CDK19: variants seen among roughly 807,000 people sequenced by gnomAD.
The protein encoded by CDK19 is cyclin dependent kinase 19.
In CDK19, 20 loss-of-function variants were observed where a neutral mutation model predicts 68.3. The observed-to-expected ratio is 0.29, with a 90% CI of 0.21 to 0.43. CDK19 has a LOEUF of 0.43. Among genes scored for constraint, CDK19 ranks in the 20% least tolerant of loss-of-function variants. CDK19 has a pLI of 1.00. For missense variants in CDK19, 339 were observed against 623.5 expected, an observed-to-expected ratio of 0.54 and a Z score of 4.86; for synonymous variants, 221 against 222.8, an observed-to-expected ratio of 0.99 and a Z score of 0.07.
At chr6:110,662,321 C>A (rs1218794302) in intron 4 of CDK19, among the ~76,000 whole-genome samples, 1 of 152,054 alleles carries the variant, frequency 6.6e-6, no homozygotes, top group Non-Finnish European at 1.5e-5. Context: ...CTAAAGCATT[C>A]ATTCAAATCC....
chr6:110,666,424 CAAAAAAAAAA>C (rs57791161), intron 4 of CDK19, among the ~76,000 whole-genome samples: 1,008 of 47,876 alleles, frequency 0.021, 8 homozygotes, highest in Non-Finnish European at 0.033. Context: ...GACTCTGTCT[CAAAAAAAAAA>C]AAAAAAAAAA....
chr6:110,786,661 T>G lies in CDK19; in HGVS notation c.128+28348A>C, dbSNP rs529617997. Among the ~76,000 whole-genome samples the G allele has an allele frequency of 2.0e-4, 30 of 151,990 alleles. 4 individuals carry two copies. In the South Asian group the frequency reaches 5.6e-3, roughly 29 times the overall value. ...TCTACAGGCTAAATTAGAAATGTGT[T>G]TGGGGGCAAATAGATCACTTCAACA... On this transcript the variant is annotated intron_variant, in intron 1 of 12. Coordinates refer to ENST00000368911, the MANE Select transcript of CDK19 (RefSeq NM_015076.5).
Position 110,723,143 on chromosome 6 carries a change from AC to A in CDK19, c.204+22982del, listed in dbSNP as rs772542228. Among the ~76,000 whole-genome samples the A allele has an allele frequency of 1.6e-3, 157 of 100,556 alleles. 10 individuals are homozygous for A. Among genetic ancestry groups the A allele is most frequent in the Middle Eastern group, 0.014 (2 of 148 alleles). The allele number at this position is 100,556 out of a possible 152,430, so 66.0% of individuals were successfully genotyped here. On this transcript the variant is annotated intron_variant, in intron 2 of 12. Transcript: ENST00000368911. Reference sequence around the variant, plus strand: ...AGCTTTCAAGGCTTTGTCAAAAAAAACAAAAAACAAAAAAAAAAACGCAGAT... The same window carrying A: ...AGCTTTCAAGGCTTTGTCAAAAAAAAAAAAAACAAAAAAAAAAACGCAGAT...
At chr6:110,768,525 T>C (rs1005001790) in intron 1 of CDK19, among the ~76,000 whole-genome samples, 6 of 152,196 alleles carry the variant, frequency 3.9e-5, no homozygotes, top group African/African-American at 7.2e-5. Flanking sequence ...ACTTGATATG[T>C]CCAGAAATAG....
intron 2 of CDK19, among the ~76,000 whole-genome samples, chr6:110,741,425 C>T (rs1410998249): frequency 1.3e-5 from 2 of 151,662 alleles, no homozygotes; most frequent in Non-Finnish European, 2.9e-5. Context: ...TATGCCACTG[C>T]ACTCCAGCCT....
chr6:110,774,168 A>G (rs974212629), intron 1 of CDK19, among the ~76,000 whole-genome samples: 14 of 152,348 alleles, frequency 9.2e-5, no homozygotes, highest in African/African-American at 3.1e-4. Flanking sequence ...AACTAATTAT[A>G]TTCTTACGAA....
intron 10 of CDK19, 34 bp downstream of exon 10, chr6:110,622,781 G>T: frequency 7.4e-7 from 1 of 1,351,440 alleles, no homozygotes; most frequent in Non-Finnish European, 1.1e-6. Flanking sequence ...TCCTCAGCCT[G>T]GAGCAAAGGA....
At chr6:110,732,884 C>T (rs1050724181) in intron 2 of CDK19, among the ~76,000 whole-genome samples, 12 of 151,978 alleles carry the variant, frequency 7.9e-5, no homozygotes, top group Non-Finnish European at 1.0e-4. Context: ...ATGGCCAACA[C>T]GGTGAAACCC....
chr6:110,788,748 C>CT (rs371692053), intron 1 of CDK19, among the ~76,000 whole-genome samples: 61 of 151,474 alleles, frequency 4.0e-4, no homozygotes, highest in African/African-American at 1.2e-3. Flanking sequence ...ATTTCTTTTT[C>CT]TTTTTTTTTA....
In CDK19 at chr6:110,672,340, G is replaced by A. The variant is rs188096163; in HGVS notation, c.205-1799C>T. On this transcript the variant is annotated intron_variant, in intron 2 of 12. Transcript: ENST00000368911. Reference sequence around the variant, plus strand: ...ACACCCAACACTGGCACAGATCCCTGATTCCTGGACCTCACTTGTCTGGGA... The same window carrying A: ...ACACCCAACACTGGCACAGATCCCTAATTCCTGGACCTCACTTGTCTGGGA... Among the ~76,000 whole-genome samples the A allele has an allele frequency of 2.5e-3, 375 of 152,286 alleles. 7 individuals carry two copies. The highest frequency in any genetic ancestry group is 1.7e-3 in the East Asian group (9 of 5,190).
chr6:110,710,980 C>T (rs1368346844), intron 2 of CDK19, among the ~76,000 whole-genome samples: 1 of 152,068 alleles, frequency 6.6e-6, no homozygotes, highest in Non-Finnish European at 1.5e-5. Flanking sequence ...CTCATATCGT[C>T]TATAATAAGA....
intron 1 of CDK19, among the ~76,000 whole-genome samples, chr6:110,778,257 C>T (rs1780550863): frequency 6.6e-6 from 1 of 152,024 alleles, no homozygotes; most frequent in Non-Finnish European, 1.5e-5. Flanking sequence ...ACTGTAAACC[C>T]GTTTAATGTA....
intron 2 of CDK19, among the ~76,000 whole-genome samples, chr6:110,701,798 C>T (rs1689348682): frequency 1.3e-5 from 2 of 152,048 alleles, no homozygotes; most frequent in South Asian, 4.1e-4. Flanking sequence ...AATTAAAGTC[C>T]ATCCCTACAG....
At chr6:110,688,470 G>A (rs1393896766) in intron 2 of CDK19, among the ~76,000 whole-genome samples, 1 of 151,952 alleles carries the variant, frequency 6.6e-6, no homozygotes, top group African/African-American at 2.4e-5. Context: ...TTTTTTCCAA[G>A]AAGCAACGCA....
chr6:110,814,776 G>C lies in CDK19; in HGVS notation c.128+233C>G, dbSNP rs748800557. The C allele has an allele frequency of 9.0e-6, 6 of 666,448 alleles. No individual in the cohort carries two copies. The South Asian group carries it at 9.1e-5, about 10-fold the overall frequency. The allele number at this position is 666,448 out of a possible 1,614,324, so 41.3% of individuals were successfully genotyped here. On this transcript the variant is annotated intron_variant, in intron 1 of 12. Coordinates refer to ENST00000368911, the MANE Select transcript of CDK19 (RefSeq NM_015076.5). Reference sequence around the variant, plus strand: ...CTCGGAGGGCGCCCCTCTGGGACGGGACCGACGCCTCGGACCGGGCTGCGC... The same window carrying C: ...CTCGGAGGGCGCCCCTCTGGGACGGCACCGACGCCTCGGACCGGGCTGCGC...
chr6:110,807,455 T>C (rs1583148327), intron 1 of CDK19, among the ~76,000 whole-genome samples: 1 of 151,884 alleles, frequency 6.6e-6, no homozygotes, highest in African/African-American at 2.4e-5. Context: ...ACACTGGTGG[T>C]TTTTTGTTAT....
intron 4 of CDK19, chr6:110,646,507 C>G (rs190675771): frequency 7.2e-7 from 1 of 1,380,370 alleles, no homozygotes; most frequent in Admixed American, 2.8e-5. Flanking sequence ...GCGTGGTGCC[C>G]TGGGAAACCG....
chr6:110,654,541 G>A (rs1781176910), intron 4 of CDK19, among the ~76,000 whole-genome samples: 1 of 152,318 alleles, frequency 6.6e-6, no homozygotes, highest in Admixed American at 6.5e-5. Flanking sequence ...TTTGTTGAAT[G>A]AGTAAACAAA....
At chr6:110,803,610 C>A (rs928542783) in intron 1 of CDK19, among the ~76,000 whole-genome samples, 1 of 152,126 alleles carries the variant, frequency 6.6e-6, no homozygotes, top group African/African-American at 2.4e-5. Flanking sequence ...TAAATTTGCA[C>A]CTAAATCCTA....
Sources: gnomAD v4.1 joint callset for allele counts (sites outside exome capture counted in the v4.1 genomes callset) on GRCh38, gnomAD v4.1.1 for gene constraint, MANE v1.5 for transcripts, NCBI Gene and HGNC (gene_info 2026-07-23, HGNC 2026-07-21) for gene names.